The following FLRT3 variants were observed in gnomAD, a reference collection of about 807,000 sequenced individuals.
FLRT3 encodes the protein leucine-rich repeat transmembrane protein FLRT3.
Under a neutral mutation model 42.6 loss-of-function variants are expected in FLRT3, and 17 were observed. The observed-to-expected ratio is 0.40, with a 90% CI of 0.27 to 0.60. FLRT3 has a LOEUF of 0.60. Ranked by LOEUF, FLRT3 falls within the 20% of genes least tolerant of loss-of-function variation. The pLI, the probability that FLRT3 is intolerant of heterozygous loss-of-function variation, is 0.44. For synonymous variants in FLRT3, 279 were observed against 286.4 expected (o/e 0.97, Z 0.26); for missense variants, 635 against 789.2 (o/e 0.80, Z 2.34).
rs1457655742 is a variant in FLRT3 at position 14,337,448 on chromosome 20, C to G, written c.-291G>C. Reference sequence around the variant, plus strand: ...AATCCTATATACACTGCCGCTATAGCTGTAATTCCATTGACAGTGAATTGG... The same window carrying G: ...AATCCTATATACACTGCCGCTATAGGTGTAATTCCATTGACAGTGAATTGG... On this transcript the variant is annotated 5_prime_UTR_variant, in exon 1 of 3. Transcript: ENST00000341420. 2.5e-6 allele frequency: 1 copy of G among 393,900 alleles called. No individual in the cohort carries two copies. Among genetic ancestry groups the G allele is most frequent in the Non-Finnish European group, 4.5e-6 (1 of 223,568 alleles). 24.4% of individuals were successfully genotyped at this position (393,900 alleles called of 1,614,324 possible).
rs2122560841 is a variant in FLRT3 at position 14,324,149 on chromosome 20, A to G, written c.*1408T>C. On this transcript the variant is annotated 3_prime_UTR_variant, in exon 3 of 3. Transcript: ENST00000341420. ...TTATTCTGTACTTTTTAAAAGTTTT[A>G]TTCAGCAATAAGACCATAATTTTTC... 6.5e-6 allele frequency: 1 copy of G among 152,752 alleles called. No homozygotes were observed. The allele number at this position is 152,752 out of a possible 1,614,324, so 9.5% of individuals were successfully genotyped here. A position where few individuals can be genotyped will look rare whatever the true frequency, so the allele number is the denominator to read the frequency against.
rs748559879 is a variant in FLRT3 at position 14,325,760 on chromosome 20, CCTT to C, written c.1744_1746del (p.Lys582del). The C allele has an allele frequency of 1.2e-6, 2 of 1,613,874 alleles. No homozygotes were observed. The highest frequency in any genetic ancestry group is 1.7e-6 in the Non-Finnish European group (2 of 1,179,856). On this transcript the variant is annotated inframe_deletion, in exon 3 of 3. Transcript: ENST00000341420. ...TCCCTGATTTCCAGGATAGAGTTGTCCTTCTTAGTGCCAGCTTCTGCATAGTCA... is the reference window on the plus strand; with the variant it reads ...TCCCTGATTTCCAGGATAGAGTTGTCCTTAGTGCCAGCTTCTGCATAGTCA...
At position 14,325,782 on chromosome 20, in the gene FLRT3, A is replaced by C. The variant is rs1000722305; in HGVS notation, c.1725T>G (p.Tyr575Ter). 6.2e-7 allele frequency: 1 copy of C among 1,613,806 alleles called. No individual in the cohort carries two copies. Among genetic ancestry groups the C allele is most frequent in the Non-Finnish European group, 8.5e-7 (1 of 1,179,884 alleles). ...TGTCCTTCTTAGTGCCAGCTTCTGC[A>C]TAGTCATCCTTTCTTCTCCTCCCTT... ...YSKGRRRKDD[Y>*]AEAGTKKDNS... is the part of the protein sequence containing the mutation. The change falls in exon 3 of 3, where the codon TAT becomes TAG. Residue 575 changes from tyrosine (Y) to a stop codon, truncating the protein, a stop_gained. Coordinates refer to ENST00000341420, the MANE Select transcript of FLRT3 (RefSeq NM_198391.3). LOFTEE classifies it high-confidence loss of function.
At position 14,331,277 on chromosome 20, in the gene FLRT3, G is replaced by A. The variant is rs147625717; in HGVS notation, c.-246-1950C>T. Among the ~76,000 whole-genome samples, 258 of 152,196 alleles carry A rather than the reference G, an allele frequency of 1.7e-3. 1 individual carries two copies. The highest frequency in any genetic ancestry group is 6.1e-3 in the African/African-American group (252 of 41,540). On this transcript the variant is annotated intron_variant, in intron 1 of 2. Transcript: ENST00000341420. ...TCACCAAATAAGGCTCTAACAATAT[G>A]TATTGATTTTCACATTTTTAACCCA...
rs763437016 is a variant in FLRT3 at position 14,326,126 on chromosome 20, G to A, written c.1381C>T (p.Arg461Cys). ...SITETIVTGE[R>C]SEYLVTALEP... ...AGGGCTGTGACCAAGTACTCACTGCGTTCCCCTGTTACAATTGTTTCTGTT... is the reference window on the plus strand; with the variant it reads ...AGGGCTGTGACCAAGTACTCACTGCATTCCCCTGTTACAATTGTTTCTGTT... Residue 461 changes from arginine to cysteine, a missense_variant, in exon 3 of 3, where the codon CGC becomes TGC. By Grantham distance (180) the Arg-to-Cys change is radical (BLOSUM62 -3). Coordinates refer to ENST00000341420, the MANE Select transcript of FLRT3 (RefSeq NM_198391.3). This position sits in a 1 kb window ranked among gnomAD's most constrained non-coding sequence, Gnocchi z 5.5. 3.1e-5 allele frequency: 50 copies of A among 1,613,712 alleles called. No individual in the cohort carries two copies. In the Admixed American group the frequency reaches 4.0e-4, roughly 13 times the overall value.
At chr20:14,335,225 G>A (rs2082915442) in intron 1 of FLRT3, among the ~76,000 whole-genome samples, 1 of 152,160 alleles carries the variant, frequency 6.6e-6, no homozygotes, top group African/African-American at 2.4e-5. Context: ...TTTTCATCTA[G>A]AGAGACTGAG....
chr20:14,331,168 A>C (rs2082829333), intron 1 of FLRT3, among the ~76,000 whole-genome samples: 1 of 152,100 alleles, frequency 6.6e-6, no homozygotes, highest in Non-Finnish European at 1.5e-5. Context: ...AGGTCAGACC[A>C]CAGTGTGTCC....
Position 14,324,986 on chromosome 20 carries a change from A to G in FLRT3, c.*571T>C, listed in dbSNP as rs2082710881. 6.6e-6 allele frequency: 1 copy of G among 152,584 alleles called. No homozygotes were observed. Among genetic ancestry groups the G allele is most frequent in the African/African-American group, 2.4e-5 (1 of 41,436 alleles). The allele number at this position is 152,584 out of a possible 1,614,324, so 9.5% of individuals were successfully genotyped here. A position where few individuals can be genotyped will look rare whatever the true frequency, so the allele number is the denominator to read the frequency against. On this transcript the variant is annotated 3_prime_UTR_variant, in exon 3 of 3. Coordinates refer to ENST00000341420, the MANE Select transcript of FLRT3 (RefSeq NM_198391.3). ...AAAATGGAGATATGCAGGAAGTTTG[A>G]TATTGCCCATTACTTCACACATTTT...
chr20:14,325,436 A>G lies in FLRT3; in HGVS notation c.*121T>C, dbSNP rs2082717342. 1 of 1,023,462 alleles carries G rather than the reference A, an allele frequency of 9.8e-7. No individual in the cohort carries two copies. Among genetic ancestry groups the G allele is most frequent in the Non-Finnish European group, 1.4e-6 (1 of 703,336 alleles). The allele number at this position is 1,023,462 out of a possible 1,614,324, so 63.4% of individuals were successfully genotyped here. A position where few individuals can be genotyped will look rare whatever the true frequency, so the allele number is the denominator to read the frequency against. On this transcript the variant is annotated 3_prime_UTR_variant, in exon 3 of 3. Coordinates refer to ENST00000341420, the MANE Select transcript of FLRT3 (RefSeq NM_198391.3). The stretch of plus-strand genomic sequence containing the variant: ...TAAATATAAATTATATGGCAAATGT[A>G]CAGTACATTGCTTTTTTTCAGTCTC...
intron 1 of FLRT3, among the ~76,000 whole-genome samples, chr20:14,332,698 AAC>A (rs949112963): frequency 3.9e-5 from 6 of 152,150 alleles, no homozygotes; most frequent in Admixed American, 2.6e-4. Context: ...TGGCATGTAG[AAC>A]TTTTAATCCA....
intron 1 of FLRT3, among the ~76,000 whole-genome samples, chr20:14,331,907 G>A (rs1483844476): frequency 1.3e-5 from 2 of 152,058 alleles, no homozygotes; most frequent in African/African-American, 2.4e-5. Flanking sequence ...CCATAACACT[G>A]ACTTCAGAGC....
chr20:14,326,678 C>G lies in FLRT3; in HGVS notation c.829G>C (p.Asp277His). 6.2e-7 allele frequency: 1 copy of G among 1,613,726 alleles called. No individual in the cohort carries two copies. The highest frequency in any genetic ancestry group is 8.5e-7 in the Non-Finnish European group (1 of 1,179,812). ...TTACTTAGGTTATTATTGGACATAT[C>G]CAGTCGATAGAGCTGCCTTAGATAA... ...FSYLRQLYRL[D>H]MSNNNLSNLP... The change falls in exon 3 of 3, where the codon GAT becomes CAT. Residue 277 changes from aspartate (D) to histidine (H), a missense_variant. Physicochemically the swap from Asp to His is moderately conservative, Grantham distance 81. Transcript: ENST00000341420. This position sits in a 1 kb window ranked among gnomAD's most constrained non-coding sequence, Gnocchi z 5.5.
At position 14,325,808 on chromosome 20, in the gene FLRT3, T is replaced by C. The variant is rs372021937; in HGVS notation, c.1699A>G (p.Lys567Glu). ...SLFSRNCAYSKGRRRKDDYAE... is the reference protein window; with the variant it reads ...SLFSRNCAYSEGRRRKDDYAE... ...TAGTCATCCTTTCTTCTCCTCCCTTTGCTATATGCACAGTTCCTTGAGAAG... is the reference window on the plus strand; with the variant it reads ...TAGTCATCCTTTCTTCTCCTCCCTTCGCTATATGCACAGTTCCTTGAGAAG... Residue 567 changes from lysine to glutamate, a missense_variant, in exon 3 of 3, where the codon AAA becomes GAA. Coordinates refer to ENST00000341420, the MANE Select transcript of FLRT3 (RefSeq NM_198391.3). The C allele has an allele frequency of 1.2e-6, 2 of 1,613,926 alleles. No individual in the cohort carries two copies. Among genetic ancestry groups the C allele is most frequent in the African/African-American group, 2.7e-5 (2 of 75,020 alleles).
chr20:14,328,599 A>G (rs1395786919), intron 2 of FLRT3, among the ~76,000 whole-genome samples: 1 of 152,122 alleles, frequency 6.6e-6, no homozygotes, highest in Non-Finnish European at 1.5e-5. Flanking sequence ...CGATGTGAGT[A>G]AATTTTGCGG....
At chr20:14,332,504 A>G (rs1277542415) in intron 1 of FLRT3, among the ~76,000 whole-genome samples, 1 of 152,136 alleles carries the variant, frequency 6.6e-6, no homozygotes, top group Non-Finnish European at 1.5e-5. Context: ...TAGTAGTGCT[A>G]ACTTCTTATT....
intron 1 of FLRT3, among the ~76,000 whole-genome samples, chr20:14,336,544 A>C (rs1266798038): frequency 1.3e-5 from 2 of 152,138 alleles, no homozygotes; most frequent in Admixed American, 6.6e-5. Context: ...AGATTTTCCT[A>C]TTATAAGTTG....
In FLRT3 at chr20:14,326,647, G is replaced by A; in HGVS notation, c.860C>T (p.Pro287Leu). The A allele has an allele frequency of 1.2e-6, 2 of 1,613,758 alleles. No individual in the cohort carries two copies. Among genetic ancestry groups the A allele is most frequent in the Non-Finnish European group, 1.7e-6 (2 of 1,179,814 alleles). ...GTCCAAATCATCAAAGATACCCTGA[G>A]GTAAATTACTTAGGTTATTATTGGA... ...DMSNNNLSNL[P>L]QGIFDDLDNI... Residue 287 changes from proline (P) to leucine (L), a missense_variant, in exon 3 of 3, where the codon CCT becomes CTT. Transcript: ENST00000341420. This position sits in a 1 kb window ranked among gnomAD's most constrained non-coding sequence, Gnocchi z 5.5.
Position 14,326,236 on chromosome 20 carries a change from T to C in FLRT3, c.1271A>G (p.His424Arg), listed in dbSNP as rs770275841. The C allele has an allele frequency of 6.2e-7, 1 of 1,613,874 alleles. No homozygotes were observed. Among genetic ancestry groups the C allele is most frequent in the Non-Finnish European group, 8.5e-7 (1 of 1,179,834 alleles). The change falls in exon 3 of 3, where the codon CAT becomes CGT. Residue 424 changes from histidine (H) to arginine (R), a missense_variant. Coordinates refer to ENST00000341420, the MANE Select transcript of FLRT3 (RefSeq NM_198391.3). This position sits in a 1 kb window ranked among gnomAD's most constrained non-coding sequence, Gnocchi z 5.5. ...TVKSVTSDTI[H>R]ISWKLALPMT... ...AGGTAGAGCAAGTTTCCAAGAGATATGAATGGTATCAGAGGTGACAGACTT... is the reference window on the plus strand; with the variant it reads ...AGGTAGAGCAAGTTTCCAAGAGATACGAATGGTATCAGAGGTGACAGACTT...
intron 2 of FLRT3, 44 bp from the exon 3 acceptor site, chr20:14,327,602 G>T (rs1047309549): frequency 3.8e-6 from 5 of 1,299,660 alleles, no homozygotes; most frequent in East Asian, 2.5e-5. Context: ...AATAAGGCCA[G>T]CATACTGAAT....
Sources: allele counts gnomAD v4.1 joint callset (sites outside exome capture counted in the v4.1 genomes callset), GRCh38; gene constraint gnomAD v4.1.1; non-coding constraint Gnocchi (gnomAD v3.1); transcripts MANE v1.5; gene names NCBI Gene and HGNC (gene_info 2026-07-23, HGNC 2026-07-21).